Variants in APBB1IP observed in about 807,000 individuals in gnomAD.
APBB1IP encodes the protein amyloid beta A4 precursor protein-binding family B member 1-interacting protein.
Under a neutral mutation model 64.9 loss-of-function variants are expected in APBB1IP, and 27 were observed. That is an observed-to-expected ratio of 0.42 (90% CI 0.31 to 0.57). The LOEUF (loss-of-function observed/expected upper bound fraction) is 0.57. APBB1IP is among the 20% of genes least tolerant of loss of function. The pLI, the probability that APBB1IP is intolerant of heterozygous loss-of-function variation, is 0.20. For missense variants in APBB1IP, 812 were observed against 845.5 expected (o/e 0.96, Z 0.49); for synonymous variants, 392 against 331.0 (o/e 1.18, Z -2.00).
chr10:26,567,379 C>A lies in APBB1IP; in HGVS notation c.1892C>A (p.Pro631His), dbSNP rs746218305. The A allele has an allele frequency of 1.4e-5, 22 of 1,578,234 alleles. No homozygotes were observed. The highest frequency in any genetic ancestry group is 1.0e-4 in the South Asian group (9 of 89,158). ...GTGGCCAAGAGGCCTCCTGTGCCCC[C>A]CAAGAGGCAAGAGAACCCAGGGCAC... ...PAVAKRPPVP[P>H]KRQENPGHPG... Residue 631 changes from proline to histidine, a missense_variant, in exon 15 of 15, where the codon CCC becomes CAC. This residue lies in a region of APBB1IP where 381 missense variants were observed against 352.1 expected (regional missense o/e 1.08). Coordinates refer to ENST00000376236, the MANE Select transcript of APBB1IP (RefSeq NM_019043.4).
chr10:26,517,503 G>C (rs190204798), intron 8 of APBB1IP, among the ~76,000 whole-genome samples: 1 of 152,188 alleles, frequency 6.6e-6, no homozygotes, highest in African/African-American at 2.4e-5. Context: ...GCAGTGGCAC[G>C]ATCTTGGCTC....
At chr10:26,558,757 A>G (rs926712949) in intron 11 of APBB1IP, among the ~76,000 whole-genome samples, 5 of 152,178 alleles carry the variant, frequency 3.3e-5, no homozygotes, top group African/African-American at 1.2e-4. Flanking sequence ...AACCTGGGCA[A>G]CAGAGTGAGA....
chr10:26,521,206 T>G (rs1362229700), intron 8 of APBB1IP, among the ~76,000 whole-genome samples: 1 of 152,156 alleles, frequency 6.6e-6, no homozygotes. Context: ...GTCTAACTAT[T>G]GAGATTTGGT....
intron 2 of APBB1IP, among the ~76,000 whole-genome samples, chr10:26,446,412 G>A (rs573478841): frequency 6.6e-6 from 1 of 152,190 alleles, no homozygotes; most frequent in South Asian, 2.1e-4. Flanking sequence ...TATTTCCCTT[G>A]TTGTAAGCAA....
Position 26,560,750 on chromosome 10 carries a change from T to A in APBB1IP, c.1275T>A (p.Asp425Glu), listed in dbSNP as rs766373559. 4 of 1,600,132 alleles carry A rather than the reference T, an allele frequency of 2.5e-6. No homozygotes were observed. The highest frequency in any genetic ancestry group is 1.1e-5 in the South Asian group (1 of 90,028). Residue 425 changes from aspartate (D) to glutamate (E), a missense_variant, in exon 13 of 15, where the codon GAT becomes GAA. Asp to Glu is a conservative substitution (Grantham distance 45, BLOSUM62 2). Coordinates refer to ENST00000376236, the MANE Select transcript of APBB1IP (RefSeq NM_019043.4). Reference protein sequence around the residue: ...RIAKYGKTLYDNYQRAVAKAG... With the variant: ...RIAKYGKTLYENYQRAVAKAG... ...CCCAGTATGGGAAGACTCTCTATGA[T>A]AACTACCAGCGGGCTGTGGCAAAGG...
rs930544386 is a variant in APBB1IP, at chr10:26,545,633, G to A, written c.1155+3941G>A. On this transcript the variant is annotated intron_variant, in intron 11 of 14. Coordinates refer to ENST00000376236, the MANE Select transcript of APBB1IP (RefSeq NM_019043.4). Reference sequence around the variant, plus strand: ...AAATTAGCCGGGCGTGGTAGCGGGCGCCTGTAGTCCCAGCTACTCGAGAGG... The same window carrying A: ...AAATTAGCCGGGCGTGGTAGCGGGCACCTGTAGTCCCAGCTACTCGAGAGG... Among the ~76,000 whole-genome samples, 14 of 152,142 alleles carry A rather than the reference G, an allele frequency of 9.2e-5. No individual in the cohort carries two copies. The South Asian group carries it at 1.0e-3, about 11-fold the overall frequency.
At chr10:26,462,113 A>G (rs1181368056) in intron 2 of APBB1IP, among the ~76,000 whole-genome samples, 1 of 152,206 alleles carries the variant, frequency 6.6e-6, no homozygotes, top group Non-Finnish European at 1.5e-5. Flanking sequence ...CGTAGTGTCT[A>G]CAACAGCAGA....
chr10:26,567,101 C>T lies in APBB1IP; in HGVS notation c.1614C>T (p.Ala538=), dbSNP rs1837056771. The T allele has an allele frequency of 2.1e-6, 3 of 1,454,488 alleles. No homozygotes were observed. The highest frequency in any genetic ancestry group is 1.8e-6 in the Non-Finnish European group (2 of 1,118,078). The allele number at this position is 1,454,488 out of a possible 1,614,324, so 90.1% of individuals were successfully genotyped here. The change falls in exon 15 of 15, where the codon GCC becomes GCT. Residue 538 remains alanine (A), a synonymous_variant. Transcript: ENST00000376236. ...GCAGTCCCGCCACGCCCCTCAAGGC[C>T]AAGGGCACAGGCGGCGGGGGCTTGC... ...TSGSPATPLK[A]KGTGGGGLPA...
chr10:26,565,637 T>C (rs1030179925), intron 14 of APBB1IP, among the ~76,000 whole-genome samples: 5 of 152,232 alleles, frequency 3.3e-5, no homozygotes, highest in Non-Finnish European at 5.9e-5. Flanking sequence ...CAGGTTTGGC[T>C]GCTCACCACT....
intron 3 of APBB1IP, among the ~76,000 whole-genome samples, chr10:26,493,212 C>T (rs1456834162): frequency 6.6e-6 from 1 of 152,174 alleles, no homozygotes. Flanking sequence ...CACTGTAATC[C>T]TGTTCTTTTT....
chr10:26,504,208 G>A (rs1170141515), intron 6 of APBB1IP, among the ~76,000 whole-genome samples: 2 of 152,262 alleles, frequency 1.3e-5, no homozygotes, highest in East Asian at 3.9e-4. Flanking sequence ...TATATCCCAG[G>A]GTACCAAATG....
intron 14 of APBB1IP, 119 bp downstream of exon 14, chr10:26,562,548 C>T (rs954479559): frequency 3.4e-5 from 27 of 791,974 alleles, no homozygotes; most frequent in Non-Finnish European, 5.2e-5. Flanking sequence ...ACCTGTAATC[C>T]CAGAACTTTG....
chr10:26,536,200 C>T lies in APBB1IP; in HGVS notation c.1027C>T (p.Pro343Ser). Residue 343 changes from proline (P) to serine (S), a missense_variant, in exon 10 of 15, where the codon CCC becomes TCC. By Grantham distance (74) the Pro-to-Ser change is moderately conservative. Around this residue, in one of 3 missense-constraint regions of APBB1IP, gnomAD observed 394 missense variants for 413.1 expected, o/e 0.95. Coordinates refer to ENST00000376236, the MANE Select transcript of APBB1IP (RefSeq NM_019043.4). The stretch of plus-strand genomic sequence containing the variant: ...ACGGGCTTCTGGAATTTATTATGTA[C>T]CCAAAGGAAAGACTAAGGTCAGAAA... ...LLRASGIYYV[P>S]KGKTKTSRDL... 6.4e-7 allele frequency: 1 copy of T among 1,571,364 alleles called. No homozygotes were observed. The highest frequency in any genetic ancestry group is 8.6e-7 in the Non-Finnish European group (1 of 1,166,184).
chr10:26,489,307 G>C (rs1564358923), intron 2 of APBB1IP, among the ~76,000 whole-genome samples: 1 of 152,120 alleles, frequency 6.6e-6, no homozygotes, highest in Non-Finnish European at 1.5e-5. Context: ...ACATTCAGAT[G>C]GAAAATGTTC....
chr10:26,443,229 C>A (rs1835354974), intron 2 of APBB1IP, among the ~76,000 whole-genome samples: 1 of 151,866 alleles, frequency 6.6e-6, no homozygotes, highest in Non-Finnish European at 1.5e-5. Flanking sequence ...CAAGACCAGC[C>A]TGACCAACAT....
chr10:26,553,641 G>C (rs1027397269), intron 11 of APBB1IP, among the ~76,000 whole-genome samples: 1 of 152,182 alleles, frequency 6.6e-6, no homozygotes, highest in Non-Finnish European at 1.5e-5. Context: ...CTGGGCAACA[G>C]AGGCAGACCC....
At chr10:26,459,766 A>C (rs1418629283) in intron 2 of APBB1IP, among the ~76,000 whole-genome samples, 1 of 152,152 alleles carries the variant, frequency 6.6e-6, no homozygotes, top group East Asian at 1.9e-4. Flanking sequence ...TCTTGGTCAG[A>C]GAATGTGGCT....
chr10:26,561,270 G>A (rs1477069187), intron 13 of APBB1IP, among the ~76,000 whole-genome samples: 11 of 150,610 alleles, frequency 7.3e-5, no homozygotes, highest in East Asian at 2.0e-4. Flanking sequence ...GGGTTTCACC[G>A]TGTTAGCCAG....
intron 7 of APBB1IP, 46 bp downstream of exon 7, chr10:26,511,952 G>T (rs1395494319): frequency 1.2e-6 from 2 of 1,602,690 alleles, no homozygotes; most frequent in Non-Finnish European, 1.7e-6. Context: ...AAACCTTGTG[G>T]GTTTGCTGTA....
Sources: gnomAD v4.1 joint callset for allele counts (sites outside exome capture counted in the v4.1 genomes callset) on GRCh38, gnomAD v4.1.1 for gene constraint, gnomAD v4.1.1 regional missense constraint, MANE v1.5 for transcripts, NCBI Gene and HGNC (gene_info 2026-07-23, HGNC 2026-07-21) for gene names.